RBFOX1: variants seen among roughly 807,000 people sequenced by gnomAD.
RBFOX1 encodes the protein RNA binding protein fox-1 homolog 1.
In RBFOX1, 8 loss-of-function variants were observed where a neutral mutation model predicts 57.7. That is an observed-to-expected ratio of 0.14 (90% CI 0.08 to 0.25). The LOEUF (loss-of-function observed/expected upper bound fraction) is 0.25, where lower values mean the gene tolerates loss of function less well. Among genes scored for constraint, RBFOX1 ranks in the 10% least tolerant of loss-of-function variants. RBFOX1 has a pLI of 1.00. For missense variants in RBFOX1, 611 were observed against 548.5 expected (o/e 1.11, Z -1.14); for synonymous variants, 326 against 222.4 (o/e 1.47, Z -4.15).
chr16:6,679,831 G>C (rs1355642644), intron 3 of RBFOX1, among the ~76,000 whole-genome samples: 5 of 148,142 alleles, frequency 3.4e-5, no homozygotes, highest in African/African-American at 1.3e-4. Flanking sequence ...GCAGAGAAAG[G>C]CTAAACAAAC....
At chr16:6,996,433 G>T (rs997711911) in intron 3 of RBFOX1, among the ~76,000 whole-genome samples, 1 of 152,076 alleles carries the variant, frequency 6.6e-6, no homozygotes, top group African/African-American at 2.4e-5. Context: ...ATCTAGATGT[G>T]TTTATATCTA....
At chr16:7,251,492 C>A (rs577496174) in intron 4 of RBFOX1, among the ~76,000 whole-genome samples, 2 of 149,524 alleles carry the variant, frequency 1.3e-5, no homozygotes, top group South Asian at 2.1e-4. Context: ...CTCACTGCAA[C>A]CTCTGCCTCG....
rs557523390 is a variant in RBFOX1 at position 6,540,354 on chromosome 16, T to A, written c.-63-114249T>A. 1.1e-3 allele frequency among the ~76,000 whole-genome samples: 166 copies of A among 150,674 alleles called. 1 individual carries two copies. The highest frequency in any genetic ancestry group is 7.0e-3 in the Middle Eastern group (2 of 284). On this transcript the variant is annotated intron_variant, in intron 2 of 15. Transcript: ENST00000550418. ...TCAGGCCTAGCGTGGTGGCTCACAC[T>A]TGTAATCCCAGCACTTTGGGAGGCT... is the stretch of plus-strand genomic sequence containing the variant.
chr16:6,344,649 G>T lies in RBFOX1; in HGVS notation c.-64+27592G>T, dbSNP rs1037750409. ...CCTGACCTCGTGATTTGCCTGCCTC[G>T]GCCTCCCAAAGTGCTGGGATTACAG... On this transcript the variant is annotated intron_variant, in intron 2 of 15. Coordinates refer to ENST00000550418, the MANE Select transcript of RBFOX1 (RefSeq NM_018723.4). 3.1e-4 allele frequency among the ~76,000 whole-genome samples: 46 copies of T among 148,384 alleles called. 1 individual carries two copies. Among genetic ancestry groups the T allele is most frequent in the African/African-American group, 6.5e-4 (26 of 40,138 alleles).
At chr16:7,642,893 C>T (rs1182978268) in intron 11 of RBFOX1, among the ~76,000 whole-genome samples, 1 of 152,240 alleles carries the variant, frequency 6.6e-6, no homozygotes, top group Non-Finnish European at 1.5e-5. Context: ...AAGACTGAGA[C>T]TCATTCTCAT....
At chr16:7,207,538 A>C (rs1490377979) in intron 4 of RBFOX1, among the ~76,000 whole-genome samples, 2 of 152,202 alleles carry the variant, frequency 1.3e-5, no homozygotes, top group East Asian at 1.9e-4. Context: ...ATATTGACAG[A>C]ATGAAGACGT....
At chr16:5,556,120 T>G (rs1278166547) in intron 2 of RBFOX1, among the ~76,000 whole-genome samples, 1 of 152,246 alleles carries the variant, frequency 6.6e-6, no homozygotes, top group African/African-American at 2.4e-5. Flanking sequence ...GCCAGCGTGT[T>G]AGAATTTATA....
At position 6,453,115 on chromosome 16, in the gene RBFOX1, TTTAATTA is replaced by T. The variant is rs375209873; in HGVS notation, c.-64+136062_-64+136068del. 1.1e-4 allele frequency among the ~76,000 whole-genome samples: 17 copies of T among 152,030 alleles called. No individual in the cohort carries two copies. The East Asian group carries it at 2.9e-3, about 26-fold the overall frequency. ...TAGACAAAGCCCCTGACTTTCTTTT[TTTAATTA>T]TTATCATCCTTTTAACTTCTGGGAT... On this transcript the variant is annotated intron_variant, in intron 2 of 15. Coordinates refer to ENST00000550418, the MANE Select transcript of RBFOX1 (RefSeq NM_018723.4).
chr16:7,189,461 G>C (rs1329576160), intron 4 of RBFOX1, among the ~76,000 whole-genome samples: 6 of 135,210 alleles, frequency 4.4e-5, no homozygotes, highest in Non-Finnish European at 7.7e-5. Context: ...AATCCTCAAT[G>C]GATAGAATCC....
At chr16:5,486,499 C>T (rs756600319) in intron 2 of RBFOX1, among the ~76,000 whole-genome samples, 1 of 152,140 alleles carries the variant, frequency 6.6e-6, no homozygotes, top group Non-Finnish European at 1.5e-5. Flanking sequence ...GATGGGGAAG[C>T]CGGATGGAAG....
chr16:7,466,101 C>G (rs1335767662), intron 4 of RBFOX1, among the ~76,000 whole-genome samples: 3 of 152,176 alleles, frequency 2.0e-5, no homozygotes, highest in Non-Finnish European at 4.4e-5. Flanking sequence ...CCCTGGGGCA[C>G]AGGGGAAAAG....
intron 2 of RBFOX1, among the ~76,000 whole-genome samples, chr16:6,542,885 T>A (rs1485731807): frequency 6.6e-6 from 1 of 152,048 alleles, no homozygotes; most frequent in Non-Finnish European, 1.5e-5. Flanking sequence ...TGGCATTGAC[T>A]TCCTCTGGGT....
At chr16:7,228,848 A>G (rs556201830) in intron 4 of RBFOX1, among the ~76,000 whole-genome samples, 2 of 152,332 alleles carry the variant, frequency 1.3e-5, no homozygotes, top group East Asian at 3.9e-4. Flanking sequence ...TCACTTGAAA[A>G]TGAAAAGTGA....
intron 4 of RBFOX1, among the ~76,000 whole-genome samples, chr16:5,951,647 A>G (rs2059522065): frequency 6.6e-6 from 1 of 152,030 alleles, no homozygotes; most frequent in Non-Finnish European, 1.5e-5. Context: ...TATCAGCAGA[A>G]ACAGTCCCTG....
rs1293225418 is a variant in RBFOX1, at chr16:7,206,243, C to A, written c.27+154145C>A. 5.3e-5 allele frequency among the ~76,000 whole-genome samples: 8 copies of A among 152,052 alleles called. No individual in the cohort carries two copies. In the South Asian group the frequency reaches 1.2e-3, roughly 24 times the overall value. On this transcript the variant is annotated intron_variant, in intron 4 of 15. Transcript: ENST00000550418. Reference sequence around the variant, plus strand: ...AAGTGGATTTACCAGACAGTAACATCTTAGTCTTTTGTGTTTGTATGGCAA... The same window carrying A: ...AAGTGGATTTACCAGACAGTAACATATTAGTCTTTTGTGTTTGTATGGCAA...
intron 2 of RBFOX1, among the ~76,000 whole-genome samples, chr16:5,545,202 C>A (rs979812997): frequency 6.6e-6 from 1 of 152,022 alleles, no homozygotes; most frequent in Admixed American, 6.6e-5. Flanking sequence ...GGTCTTGAAA[C>A]CTTGACCTCA....
At chr16:6,837,187 G>C (rs12598387) in intron 3 of RBFOX1, among the ~76,000 whole-genome samples, 3 of 152,214 alleles carry the variant, frequency 2.0e-5, no homozygotes, top group East Asian at 3.8e-4. Flanking sequence ...ACTAAAATCA[G>C]GTTAGGTTGT....
At chr16:7,151,465 C>T (rs932235073) in intron 4 of RBFOX1, among the ~76,000 whole-genome samples, 4 of 152,136 alleles carry the variant, frequency 2.6e-5, no homozygotes, top group Non-Finnish European at 5.9e-5. Flanking sequence ...TCAACTCCCT[C>T]CTGAGTGCTG....
chr16:6,690,614 G>C (rs1431424299), intron 3 of RBFOX1, among the ~76,000 whole-genome samples: 1 of 152,084 alleles, frequency 6.6e-6, no homozygotes, highest in South Asian at 2.1e-4. Context: ...AGACCAAGCA[G>C]GGATTGGTTG....
Sources: gnomAD v4.1 joint callset for allele counts (sites outside exome capture counted in the v4.1 genomes callset) on GRCh38, gnomAD v4.1.1 for gene constraint, MANE v1.5 for transcripts, NCBI Gene and HGNC (gene_info 2026-07-23, HGNC 2026-07-21) for gene names.